Variants in DOCK4 observed in about 807,000 individuals in gnomAD.
DOCK4 encodes dedicator of cytokinesis 4.
In DOCK4, 97 loss-of-function variants were observed where a neutral mutation model predicts 268.1. The observed-to-expected ratio is 0.36, with a 90% CI of 0.31 to 0.43. DOCK4 has a LOEUF of 0.43. Ranked by LOEUF, DOCK4 falls within the 20% of genes least tolerant of loss-of-function variation. The pLI is 1.00. For synonymous variants in DOCK4, 954 were observed against 887.2 expected (o/e 1.08, Z -1.34); for missense variants, 2,145 against 2,455.7 (o/e 0.87, Z 2.67).
At chr7:111,935,472 A>C (rs755928723) in intron 12 of DOCK4, 68 bp downstream of exon 12, 2 of 1,399,212 alleles carry the variant, frequency 1.4e-6, no homozygotes, top group Non-Finnish European at 2.0e-6. Flanking sequence ...TTCCTTCCCA[A>C]ACAGACAAAC....
intron 8 of DOCK4, among the ~76,000 whole-genome samples, chr7:111,968,462 C>G (rs1272918875): frequency 1.1e-5 from 1 of 93,332 alleles, no homozygotes; most frequent in Non-Finnish European, 2.0e-5. Flanking sequence ...TGAAGAAATG[C>G]TCATCATCAC....
chr7:112,203,124 G>A (rs1418153827), intron 1 of DOCK4, among the ~76,000 whole-genome samples: 1 of 152,130 alleles, frequency 6.6e-6, no homozygotes, highest in African/African-American at 2.4e-5. Context: ...CCAGACGCTG[G>A]GACCCAGAAA....
chr7:111,969,125 G>A (rs1407599349), intron 8 of DOCK4, among the ~76,000 whole-genome samples: 3 of 128,340 alleles, frequency 2.3e-5, no homozygotes, highest in Non-Finnish European at 4.9e-5. Flanking sequence ...ACACATTAGT[G>A]GGTGCAGCGC....
At chr7:111,968,808 C>G (rs1307340162) in intron 8 of DOCK4, among the ~76,000 whole-genome samples, 2 of 66,652 alleles carry the variant, frequency 3.0e-5, no homozygotes, top group African/African-American at 2.0e-4. Flanking sequence ...TTGGAACCAA[C>G]CCAAATGTCC....
At chr7:112,129,979 G>T (rs1177723450) in intron 1 of DOCK4, among the ~76,000 whole-genome samples, 1 of 152,162 alleles carries the variant, frequency 6.6e-6, no homozygotes, top group Non-Finnish European at 1.5e-5. Flanking sequence ...CATTCCCCCA[G>T]TGACAAGTCC....
chr7:112,066,668 TAC>T (rs1807008671), intron 1 of DOCK4, among the ~76,000 whole-genome samples: 2 of 34,552 alleles, frequency 5.8e-5, no homozygotes, highest in African/African-American at 2.5e-4. Context: ...ATTATACATA[TAC>T]ATATACATAT....
At chr7:111,822,868 G>C (rs1291995163) in intron 26 of DOCK4, among the ~76,000 whole-genome samples, 1 of 152,068 alleles carries the variant, frequency 6.6e-6, no homozygotes, top group Non-Finnish European at 1.5e-5. Flanking sequence ...CCTTTAAGAG[G>C]GTGTCAAATT....
intron 48 of DOCK4, 56 bp from the exon 49 acceptor site, chr7:111,739,299 T>A (rs766146100): frequency 8.8e-6 from 14 of 1,596,302 alleles, no homozygotes; most frequent in Non-Finnish European, 1.2e-5. Context: ...TGCACCTGTT[T>A]GGAGGCGAGA....
intron 27 of DOCK4, among the ~76,000 whole-genome samples, chr7:111,816,242 C>T (rs73205388): frequency 0.18 from 27,141 of 151,968 alleles, 2,885 homozygotes; most frequent in East Asian, 0.51. Context: ...CATATATGGA[C>T]TGAGAGAAAT....
chr7:111,825,155 G>A (rs1414138326), intron 26 of DOCK4, among the ~76,000 whole-genome samples: 1 of 152,048 alleles, frequency 6.6e-6, no homozygotes, highest in Non-Finnish European at 1.5e-5. Context: ...AAATCAGTAT[G>A]ATCATTTAGT....
At position 111,900,449 on chromosome 7, in the gene DOCK4, C is replaced by T. The variant is rs750492698; in HGVS notation, c.1405G>A (p.Glu469Lys). 6.2e-7 allele frequency: 1 copy of T among 1,613,438 alleles called. No homozygotes were observed. The change falls in exon 15 of 53, where the codon GAA becomes AAA. Residue 469 changes from glutamate to lysine, a missense_variant. Physicochemically the swap from Glu to Lys is moderately conservative, Grantham distance 56. Transcript: ENST00000428084. ...LYHNNSPRWS[E>K]LLKLPIPVDK... ...ACAGGAATGGGAAGTTTCAGCAGTT[C>T]AGACCACCTGGGACTGTTGTTATGG...
chr7:112,178,853 T>A (rs1366467377), intron 1 of DOCK4, among the ~76,000 whole-genome samples: 1 of 152,178 alleles, frequency 6.6e-6, no homozygotes, highest in Non-Finnish European at 1.5e-5. Context: ...AATGTGCACA[T>A]GATGGAGGCT....
chr7:111,945,734 G>A lies in DOCK4; in HGVS notation c.766C>T (p.His256Tyr). 1 of 1,597,614 alleles carries A rather than the reference G, an allele frequency of 6.3e-7. No homozygotes were observed. The highest frequency in any genetic ancestry group is 8.5e-7 in the Non-Finnish European group (1 of 1,171,692). The stretch of plus-strand genomic sequence containing the variant: ...CCACTCACCACAAAGAGGGAGCAAT[G>A]TCGTTCCGGTTTATCAGGGGCTTTG... ...LPKAPDKPER[H>Y]CSLFVDLGSS... Residue 256 changes from histidine to tyrosine, a missense_variant, in exon 9 of 53, where the codon CAT (histidine) becomes TAT (tyrosine). Physicochemically the swap from His to Tyr is moderately conservative, Grantham distance 83 (BLOSUM62 2). This residue lies in a region of DOCK4 where 1,598 missense variants were observed against 1,986.7 expected (regional missense o/e 0.80). Transcript: ENST00000428084.
intron 1 of DOCK4, among the ~76,000 whole-genome samples, chr7:112,041,973 T>C (rs1004101536): frequency 6.6e-6 from 1 of 151,996 alleles, no homozygotes; most frequent in African/African-American, 2.4e-5. Context: ...GATGCTCCAG[T>C]TGATAGGCAA....
chr7:112,179,013 C>CT (rs1380522933), intron 1 of DOCK4, among the ~76,000 whole-genome samples: 1 of 152,182 alleles, frequency 6.6e-6, no homozygotes, highest in Non-Finnish European at 1.5e-5. Context: ...TTTTAAAAAA[C>CT]TGTGTTTGAG....
At chr7:111,891,844 A>C (rs1330746590) in intron 16 of DOCK4, among the ~76,000 whole-genome samples, 1 of 152,170 alleles carries the variant, frequency 6.6e-6, no homozygotes, top group Admixed American at 6.5e-5. Context: ...CTTTTATTTT[A>C]TACATTTGCA....
At position 112,031,913 on chromosome 7, in the gene DOCK4, G is replaced by A. The variant is rs773775283; in HGVS notation, c.38-27782C>T. Among the ~76,000 whole-genome samples the A allele has an allele frequency of 7.9e-5, 12 of 152,128 alleles. No homozygotes were observed. The Middle Eastern group carries it at 0.01, about 129-fold the overall frequency. On this transcript the variant is annotated intron_variant, in intron 1 of 52. Transcript: ENST00000428084. ...ACAAAGTCCAACAAACAATTCAAAC[G>A]GTATTGCTTCCTGGAAATCAAAACA...
At chr7:111,951,290 C>T (rs1477530744) in intron 8 of DOCK4, among the ~76,000 whole-genome samples, 2 of 152,106 alleles carry the variant, frequency 1.3e-5, no homozygotes, top group Non-Finnish European at 2.9e-5. Context: ...TTACATAGCT[C>T]TTCTCATTTA....
intron 34 of DOCK4, 54 bp downstream of exon 34, chr7:111,783,803 C>G: frequency 6.9e-7 from 1 of 1,447,864 alleles, no homozygotes; most frequent in East Asian, 2.4e-5. Context: ...ATTTGATTTT[C>G]TAACTGGAGT....
Sources: allele counts gnomAD v4.1 joint callset (sites outside exome capture counted in the v4.1 genomes callset), GRCh38; gene constraint gnomAD v4.1.1; regional missense constraint gnomAD v4.1.1; transcripts MANE v1.5; gene names NCBI Gene and HGNC (gene_info 2026-07-23, HGNC 2026-07-21).